The following SLC30A8 variants were observed in gnomAD, a reference collection of about 807,000 sequenced individuals.
SLC30A8 encodes proton-coupled zinc antiporter SLC30A8.
A neutral mutation model predicts 36.9 loss-of-function variants in SLC30A8; 27 were observed. The observed-to-expected ratio is 0.73, with a 90% CI of 0.54 to 1.01. SLC30A8 has a LOEUF of 1.01. SLC30A8 is among the 50% of genes least tolerant of loss of function. The pLI, the probability that SLC30A8 is intolerant of heterozygous loss-of-function variation, is 0.00. For missense variants in SLC30A8, 439 were observed against 452.0 expected, an observed-to-expected ratio of 0.97 and a Z score of 0.26; for synonymous variants, 164 against 172.4, an observed-to-expected ratio of 0.95 and a Z score of 0.38.
intron 1 of SLC30A8, among the ~76,000 whole-genome samples, chr8:117,137,377 A>C (rs1586572113): frequency 6.6e-6 from 1 of 152,006 alleles, no homozygotes; most frequent in Non-Finnish European, 1.5e-5. Context: ...ACTGGCTGTT[A>C]AGAAACTTAC....
In SLC30A8 at chr8:117,146,999, A is replaced by G; in HGVS notation, c.117A>G (p.Arg39=). Residue 39 remains arginine (R), a synonymous_variant, in exon 2 of 8, where the codon AGA becomes AGG. Coordinates refer to ENST00000456015, the MANE Select transcript of SLC30A8 (RefSeq NM_173851.3). ...QKPVNKDQCP[R]ERPEELESGG... is the part of the protein sequence containing the mutation. ...CGGTGAATAAAGATCAGTGTCCCAG[A>G]GAGAGACCAGAGGAGCTGGAGTCAG... 1.2e-6 allele frequency: 2 copies of G among 1,614,022 alleles called. No homozygotes were observed. Among genetic ancestry groups the G allele is most frequent in the Non-Finnish European group, 1.7e-6 (2 of 1,179,918 alleles).
intron 2 of SLC30A8, among the ~76,000 whole-genome samples, chr8:117,107,975 A>T (rs2130872506): frequency 6.6e-6 from 1 of 152,324 alleles, no homozygotes; most frequent in East Asian, 1.9e-4. Context: ...TGAAATATAT[A>T]ACTAGTGAAG....
intron 2 of SLC30A8, chr8:117,055,775 A>G (rs1335847105): frequency 6.6e-6 from 1 of 152,258 alleles, no homozygotes; most frequent in Non-Finnish European, 1.5e-5. Context: ...AGTAATAGCT[A>G]CAGTTCCAAG....
chr8:117,023,303 G>T (rs1239937229), intron 1 of SLC30A8, among the ~76,000 whole-genome samples: 1 of 152,194 alleles, frequency 6.6e-6, no homozygotes, highest in Non-Finnish European at 1.5e-5. Flanking sequence ...CATTGTGGAA[G>T]TCAGTGTGGC....
intron 1 of SLC30A8, among the ~76,000 whole-genome samples, chr8:116,955,487 T>A (rs1202354586): frequency 6.6e-6 from 1 of 152,016 alleles, no homozygotes; most frequent in Non-Finnish European, 1.5e-5. Context: ...CCCAGCACTT[T>A]GGGAGGCTGA....
At chr8:117,064,230 G>T (rs535994738) in intron 2 of SLC30A8, among the ~76,000 whole-genome samples, 1 of 152,086 alleles carries the variant, frequency 6.6e-6, no homozygotes, top group Non-Finnish European at 1.5e-5. Context: ...GACTTCAGGT[G>T]ATCTGCCCAC....
chr8:116,967,764 A>G (rs1814647078), intron 1 of SLC30A8, among the ~76,000 whole-genome samples: 1 of 152,200 alleles, frequency 6.6e-6, no homozygotes, highest in Non-Finnish European at 1.5e-5. Context: ...TTAGATTAAT[A>G]CATGAAACAA....
At chr8:117,108,527 C>T (rs1820091604) in intron 2 of SLC30A8, among the ~76,000 whole-genome samples, 1 of 152,186 alleles carries the variant, frequency 6.6e-6, no homozygotes, top group African/African-American at 2.4e-5. Flanking sequence ...GGAAAACAAT[C>T]TTTTCCCTCT....
intron 2 of SLC30A8, among the ~76,000 whole-genome samples, chr8:117,113,720 A>G (rs577700847): frequency 2.0e-5 from 3 of 152,266 alleles, no homozygotes; most frequent in South Asian, 2.1e-4. Flanking sequence ...TGTGCTAGAC[A>G]TTTTATGTAT....
chr8:117,045,329 C>G (rs1409994916), intron 2 of SLC30A8, among the ~76,000 whole-genome samples: 1 of 152,042 alleles, frequency 6.6e-6, no homozygotes, highest in Admixed American at 6.5e-5. Context: ...TCCATTTCAT[C>G]GTTCCCCCAC....
At chr8:117,047,689 G>A (rs1317913190) in intron 2 of SLC30A8, among the ~76,000 whole-genome samples, 4 of 152,116 alleles carry the variant, frequency 2.6e-5, no homozygotes, top group African/African-American at 9.7e-5. Context: ...TTGAACCAGG[G>A]CAACTCCATC....
At chr8:116,984,679 G>A (rs913999631) in intron 1 of SLC30A8, among the ~76,000 whole-genome samples, 7 of 151,768 alleles carry the variant, frequency 4.6e-5, no homozygotes, top group Admixed American at 2.6e-4. Flanking sequence ...GCATTTCAAT[G>A]GCTACAAATG....
At chr8:117,114,311 C>T (rs1248829389) in intron 2 of SLC30A8, among the ~76,000 whole-genome samples, 1 of 152,034 alleles carries the variant, frequency 6.6e-6, no homozygotes, top group Non-Finnish European at 1.5e-5. Context: ...GAACCCATAC[C>T]TTCCTGTCTA....
At chr8:117,044,467 C>T (rs963359862) in intron 2 of SLC30A8, among the ~76,000 whole-genome samples, 7 of 152,152 alleles carry the variant, frequency 4.6e-5, no homozygotes, top group Non-Finnish European at 8.8e-5. Context: ...GGACGCGTCC[C>T]AGCAGATGAT....
chr8:117,100,957 A>G (rs1270049996), intron 2 of SLC30A8, among the ~76,000 whole-genome samples: 2 of 152,122 alleles, frequency 1.3e-5, no homozygotes, highest in African/African-American at 4.8e-5. Flanking sequence ...TAAACATACC[A>G]CTATTTAGGA....
At chr8:117,148,546 A>C (rs1335257108) in intron 2 of SLC30A8, among the ~76,000 whole-genome samples, 2 of 152,164 alleles carry the variant, frequency 1.3e-5, no homozygotes, top group Admixed American at 6.5e-5. Flanking sequence ...TCTGTTTATT[A>C]TCCTAATTAA....
At chr8:116,955,509 C>A (rs913615388) in intron 1 of SLC30A8, among the ~76,000 whole-genome samples, 4 of 152,042 alleles carry the variant, frequency 2.6e-5, no homozygotes, top group Admixed American at 2.6e-4. Context: ...GTGGGTGGAT[C>A]ACTTGAGGCC....
chr8:117,150,337 A>G (rs750012860), intron 2 of SLC30A8, among the ~76,000 whole-genome samples: 10 of 152,204 alleles, frequency 6.6e-5, no homozygotes, highest in Non-Finnish European at 1.5e-4. Flanking sequence ...TGTGTTCTCC[A>G]TGGAAACCCG....
At chr8:117,121,523 T>C (rs149813963) in intron 2 of SLC30A8, among the ~76,000 whole-genome samples, 3 of 152,022 alleles carry the variant, frequency 2.0e-5, no homozygotes, top group Non-Finnish European at 2.9e-5. Context: ...CATGATTCTC[T>C]CTTGTGCCTC....
Sources: allele counts gnomAD v4.1 joint callset (sites outside exome capture counted in the v4.1 genomes callset), GRCh38; gene constraint gnomAD v4.1.1; transcripts MANE v1.5; gene names NCBI Gene and HGNC (gene_info 2026-07-23, HGNC 2026-07-21).